The following BMP7 variants were observed in gnomAD, a reference collection of about 807,000 sequenced individuals.
BMP7 encodes bone morphogenetic protein 7, also known as osteogenic protein 1.
In BMP7, 12 loss-of-function variants were observed where a neutral mutation model predicts 41.2. The observed-to-expected ratio is 0.29, with a 90% confidence interval of 0.19 to 0.47. BMP7 has a LOEUF of 0.47. BMP7 is among the 20% of genes least tolerant of loss of function. The probability of loss-of-function intolerance (pLI) is 0.99; values close to 1 mark genes in which losing one functional copy is unlikely to be tolerated. For missense variants in BMP7, 467 were observed against 606.0 expected (o/e 0.77, Z 2.41); for synonymous variants, 248 against 250.0 (o/e 0.99, Z 0.07).
At chr20:57,230,790 C>T (rs2066026375) in intron 1 of BMP7, among the ~76,000 whole-genome samples, 1 of 151,712 alleles carries the variant, frequency 6.6e-6, no homozygotes, top group Non-Finnish European at 1.5e-5. Context: ...CATTCTCCTG[C>T]CTCAGCCTCC....
At chr20:57,195,462 G>T (rs993130931) in intron 3 of BMP7, among the ~76,000 whole-genome samples, 1 of 152,148 alleles carries the variant, frequency 6.6e-6, no homozygotes, top group Non-Finnish European at 1.5e-5. Context: ...CCCCATTCTT[G>T]CCGTCCCAGC....
intron 6 of BMP7, among the ~76,000 whole-genome samples, chr20:57,172,138 G>T (rs1316616525): frequency 6.6e-6 from 1 of 152,212 alleles, no homozygotes; most frequent in Non-Finnish European, 1.5e-5. Context: ...GAGAAGGATA[G>T]AGATGTGTCC....
Position 57,214,603 on chromosome 20 carries a change from C to T in BMP7, c.612-11980G>A, listed in dbSNP as rs546135975. On this transcript the variant is annotated intron_variant, in intron 2 of 6. Coordinates refer to ENST00000395863, the MANE Select transcript of BMP7 (RefSeq NM_001719.3). This position sits in a 1 kb window ranked among gnomAD's most constrained non-coding sequence, Gnocchi z 4.0. ...CACAGCCCCTCACACATGCTGTTTC[C>T]GCTGCCTGCAACACTGTTCCCTGCC... 3.9e-4 allele frequency among the ~76,000 whole-genome samples: 59 copies of T among 152,224 alleles called. No individual in the cohort carries two copies. Among genetic ancestry groups the T allele is most frequent in the African/African-American group, 1.3e-3 (54 of 41,528 alleles).
intron 1 of BMP7, among the ~76,000 whole-genome samples, chr20:57,247,626 AT>A (rs1218363448): frequency 2.6e-5 from 4 of 152,218 alleles, no homozygotes; most frequent in Admixed American, 6.5e-5. Flanking sequence ...ACTAGAAAAC[AT>A]TTGATCAGGC....
At chr20:57,187,368 T>C (rs1345859169) in intron 3 of BMP7, among the ~76,000 whole-genome samples, 1 of 152,234 alleles carries the variant, frequency 6.6e-6, no homozygotes, top group African/African-American at 2.4e-5. Flanking sequence ...AGTTGTGCCT[T>C]ACATAGCCTC....
intron 3 of BMP7, among the ~76,000 whole-genome samples, chr20:57,185,326 T>C (rs1984184532): frequency 6.6e-6 from 1 of 152,160 alleles, no homozygotes; most frequent in Non-Finnish European, 1.5e-5. Flanking sequence ...TCATCCAGTT[T>C]CCCCCAAAGG....
chr20:57,212,680 C>T (rs1051688726), intron 2 of BMP7, among the ~76,000 whole-genome samples: 6 of 152,242 alleles, frequency 3.9e-5, no homozygotes, highest in African/African-American at 1.4e-4. Flanking sequence ...CACAGGCTTG[C>T]GGCTGCGGTG....
In BMP7 at chr20:57,170,715, G is replaced by GC; in HGVS notation, c.*243_*244insG. On this transcript the variant is annotated 3_prime_UTR_variant, in exon 7 of 7. Transcript: ENST00000395863. ...GCCCGGCCATTTTTCTTTATGCGTT[G>GC]TTTTTTTTTCCTGCTAGGTTTTGCC... The GC allele has an allele frequency of 4.1e-6, 2 of 493,584 alleles. No homozygotes were observed. Among genetic ancestry groups the GC allele is most frequent in the East Asian group, 8.2e-5 (2 of 24,344 alleles). The allele number at this position is 493,584 out of a possible 1,614,324, so 30.6% of individuals were successfully genotyped here.
intron 1 of BMP7, among the ~76,000 whole-genome samples, chr20:57,249,927 G>A (rs1227676849): frequency 6.6e-6 from 1 of 152,122 alleles, no homozygotes; most frequent in Non-Finnish European, 1.5e-5. Context: ...ACCCACCAGA[G>A]AGGGAAACTG....
At chr20:57,196,657 A>G (rs1984498367) in intron 3 of BMP7, among the ~76,000 whole-genome samples, 1 of 152,186 alleles carries the variant, frequency 6.6e-6, no homozygotes, top group African/African-American at 2.4e-5. Context: ...CGAAAACACT[A>G]TAATGTCTCT....
intron 3 of BMP7, among the ~76,000 whole-genome samples, chr20:57,194,272 C>T (rs1034931930): frequency 3.9e-5 from 6 of 152,226 alleles, no homozygotes; most frequent in Middle Eastern, 3.4e-3. Flanking sequence ...GAAAAAGCCT[C>T]GAGTCTGTTG....
At chr20:57,193,590 A>G (rs1445837073) in intron 3 of BMP7, among the ~76,000 whole-genome samples, 1 of 152,254 alleles carries the variant, frequency 6.6e-6, no homozygotes, top group East Asian at 1.9e-4. Context: ...CAACCTGCAC[A>G]ATACCTTTGA....
rs974911357 is a variant in BMP7 at position 57,259,319 on chromosome 20, A to G, written c.418+6386T>C. ...GGAAGCCTTCACTGTGAAGCCCTTT[A>G]TAGAAAGCCGCGGTTGGCAGCCCCC... On this transcript the variant is annotated intron_variant, in intron 1 of 6. Coordinates refer to ENST00000395863, the MANE Select transcript of BMP7 (RefSeq NM_001719.3). The surrounding 1 kb of genome is among the most constrained non-coding windows in gnomAD (Gnocchi z 4.7). Among the ~76,000 whole-genome samples the G allele has an allele frequency of 6.6e-6, 1 of 152,248 alleles. No homozygotes were observed. Among genetic ancestry groups the G allele is most frequent in the African/African-American group, 2.4e-5 (1 of 41,468 alleles).
chr20:57,209,957 C>A (rs1421455874), intron 2 of BMP7, among the ~76,000 whole-genome samples: 1 of 152,202 alleles, frequency 6.6e-6, no homozygotes, highest in African/African-American at 2.4e-5. Context: ...TGGCTCTCAT[C>A]TTCTTTCCTG....
chr20:57,201,169 G>A (rs941782299), intron 3 of BMP7, among the ~76,000 whole-genome samples: 2 of 152,174 alleles, frequency 1.3e-5, no homozygotes, highest in African/African-American at 4.8e-5. Context: ...AAAATCCTAC[G>A]TACATTAAGG....
At chr20:57,237,845 T>C (rs181032260) in intron 1 of BMP7, among the ~76,000 whole-genome samples, 1 of 152,358 alleles carries the variant, frequency 6.6e-6, no homozygotes, top group Admixed American at 6.5e-5. Flanking sequence ...AGTTGTACTG[T>C]AGAAGAGTAG....
chr20:57,209,353 G>A (rs958758211), intron 2 of BMP7, among the ~76,000 whole-genome samples: 4 of 149,292 alleles, frequency 2.7e-5, no homozygotes, highest in Non-Finnish European at 5.9e-5. Context: ...GCTGAGGCAG[G>A]AGAATCGCTT....
At chr20:57,264,814 C>G (rs2066168529) in intron 1 of BMP7, among the ~76,000 whole-genome samples, 1 of 152,012 alleles carries the variant, frequency 6.6e-6, no homozygotes, top group South Asian at 2.1e-4. Context: ...GGAGGATCAC[C>G]TGAGATCGGG....
Position 57,183,874 on chromosome 20 carries a change from C to T in BMP7, c.806G>A (p.Gly269Glu). Residue 269 changes from glycine to glutamate, a missense_variant, in exon 4 of 7, where the codon GGG (glycine) becomes GAG (glutamate). Coordinates refer to ENST00000395863, the MANE Select transcript of BMP7 (RefSeq NM_001719.3). ...PKLAGLIGRH[G>E]PQNKQPFMVA... ...CATGAAGGGCTGCTTGTTCTGGGGC[C>T]CGTGCCGCCCAATCAGGCCCGCCAA... is the stretch of plus-strand genomic sequence containing the variant. 1.9e-6 allele frequency: 3 copies of T among 1,614,140 alleles called. No homozygotes were observed. Among genetic ancestry groups the T allele is most frequent in the South Asian group, 1.1e-5 (1 of 91,090 alleles).
Sources: allele counts gnomAD v4.1 joint callset (sites outside exome capture counted in the v4.1 genomes callset), GRCh38; gene constraint gnomAD v4.1.1; non-coding constraint Gnocchi (gnomAD v3.1); transcripts MANE v1.5; gene names NCBI Gene and HGNC (gene_info 2026-07-23, HGNC 2026-07-21).